Variants in ULK4 observed in about 807,000 individuals in gnomAD.
The protein encoded by ULK4 is inactive serine/threonine-protein kinase ULK4.
Under a neutral mutation model 160.6 loss-of-function variants are expected in ULK4, and 133 were observed. That is an observed-to-expected ratio of 0.83 (90% CI 0.72 to 0.96). The LOEUF is 0.96. ULK4 is among the 40% of genes least tolerant of loss of function. ULK4 has a pLI of 0.00. For synonymous variants in ULK4, 534 were observed against 539.8 expected, an observed-to-expected ratio of 0.99 and a Z score of 0.15; for missense variants, 1,580 against 1,499.5, an observed-to-expected ratio of 1.05 and a Z score of -0.89.
At chr3:41,418,764 G>A (rs981820872) in intron 34 of ULK4, among the ~76,000 whole-genome samples, 1 of 152,224 alleles carries the variant, frequency 6.6e-6, no homozygotes, top group Non-Finnish European at 1.5e-5. Flanking sequence ...TCTGCCAAAT[G>A]CACCTACTAT....
intron 30 of ULK4, among the ~76,000 whole-genome samples, chr3:41,629,206 C>G (rs962616354): frequency 2.0e-5 from 3 of 152,104 alleles, no homozygotes; most frequent in Non-Finnish European, 2.9e-5. Context: ...TGTTTCATGA[C>G]GTTTGCGGCC....
At chr3:41,566,208 G>A in intron 31 of ULK4, 78 bp from the exon 32 acceptor site, 1 of 1,240,210 alleles carries the variant, frequency 8.1e-7, no homozygotes, top group Non-Finnish European at 1.2e-6. Flanking sequence ...AGCAAATGAT[G>A]TCCACTGCTT....
rs142562010 is a variant in ULK4, at chr3:41,346,115, C to A, written c.3678+51964G>T. Among the ~76,000 whole-genome samples the A allele has an allele frequency of 5.6e-3, 851 of 152,276 alleles. 6 individuals carry two copies. The highest frequency in any genetic ancestry group is 0.02 in the African/African-American group (822 of 41,534). Reference sequence around the variant, plus strand: ...CAAGAAGGACTTCGTAAGCCACACTCAAGACTCCCGGCTTCATCTGAGGGC... The same window carrying A: ...CAAGAAGGACTTCGTAAGCCACACTAAAGACTCCCGGCTTCATCTGAGGGC... On this transcript the variant is annotated intron_variant, in intron 35 of 36. Transcript: ENST00000301831.
At chr3:41,749,700 T>C (rs776461989) in intron 22 of ULK4, among the ~76,000 whole-genome samples, 37 of 152,128 alleles carry the variant, frequency 2.4e-4, no homozygotes, top group Admixed American at 1.0e-3. Flanking sequence ...GGAAGTGAGT[T>C]TGAAGACATA....
intron 32 of ULK4, among the ~76,000 whole-genome samples, chr3:41,500,274 T>G (rs1219491054): frequency 2.2e-5 from 3 of 138,684 alleles, no homozygotes; most frequent in Non-Finnish European, 4.8e-5. Flanking sequence ...TTAATTTTCA[T>G]CTTATCTTTT....
chr3:41,615,542 G>GTGA (rs1297926545), intron 31 of ULK4, 127 bp downstream of exon 31: 2 of 828,244 alleles, frequency 2.4e-6, no homozygotes, highest in African/African-American at 3.4e-5. Context: ...GAGGTTAAGT[G>GTGA]TGATGATGAT....
chr3:41,615,717 T>A lies in ULK4; in HGVS notation c.3072A>T (p.Arg1024Ser), dbSNP rs186619720. 31 of 1,612,546 alleles carry A rather than the reference T, an allele frequency of 1.9e-5. No homozygotes were observed. The Admixed American group carries it at 3.8e-4, about 20-fold the overall frequency. ...AMTEHNPTFT[R>S]LVEESKLIPL... ...GGATCAGTTTGCTTTCTTCCACAAG[T>A]CTGTTAAAAACAAGAAAAAAAGATA... Residue 1024 changes from arginine to serine, a missense_variant and splice_region_variant, in exon 31 of 37, where the codon AGA becomes AGT. Transcript: ENST00000301831.
At chr3:41,903,588 G>GAAAAAAA (rs71075493) in intron 12 of ULK4, among the ~76,000 whole-genome samples, 2 of 138,182 alleles carry the variant, frequency 1.4e-5, no homozygotes, top group Non-Finnish European at 1.5e-5. Context: ...CTGTCTCAAA[G>GAAAAAAA]AAAAAAAAAA....
chr3:41,498,069 T>C (rs2085054549), intron 32 of ULK4, among the ~76,000 whole-genome samples: 2 of 152,068 alleles, frequency 1.3e-5, no homozygotes, highest in South Asian at 2.1e-4. Context: ...ATGATTTTTA[T>C]AGACTCCTAT....
Position 41,477,949 on chromosome 3 carries a change from G to A in ULK4, c.3227-14696C>T, listed in dbSNP as rs1250184215. On this transcript the variant is annotated intron_variant, in intron 32 of 36. Coordinates refer to ENST00000301831, the MANE Select transcript of ULK4 (RefSeq NM_017886.4). ...AGCATGGGTCTAACATGCTCACCTA[G>A]GTTGGCATAAGTGCTAATACAAGAC... 2.0e-5 allele frequency among the ~76,000 whole-genome samples: 3 copies of A among 152,206 alleles called. No homozygotes were observed. In the East Asian group the frequency reaches 5.8e-4, roughly 29 times the overall value.
At chr3:41,863,064 T>A (rs920383618) in intron 17 of ULK4, among the ~76,000 whole-genome samples, 5 of 152,100 alleles carry the variant, frequency 3.3e-5, no homozygotes, top group Admixed American at 2.0e-4. Context: ...AAGTCCCAGG[T>A]GGGTCCAGAA....
At chr3:41,530,842 C>T (rs1248937920) in intron 32 of ULK4, among the ~76,000 whole-genome samples, 1 of 152,034 alleles carries the variant, frequency 6.6e-6, no homozygotes, top group Non-Finnish European at 1.5e-5. Flanking sequence ...CGGCTCACTG[C>T]AACCTCCACC....
At chr3:41,911,979 C>T (rs1698804594) in intron 9 of ULK4, among the ~76,000 whole-genome samples, 1 of 151,890 alleles carries the variant, frequency 6.6e-6, no homozygotes, top group Admixed American at 6.6e-5. Context: ...ATAGTGAGAC[C>T]TTGTCTCTAC....
At chr3:41,740,093 C>T (rs1339264152) in intron 22 of ULK4, among the ~76,000 whole-genome samples, 2 of 151,654 alleles carry the variant, frequency 1.3e-5, no homozygotes, top group Non-Finnish European at 2.9e-5. Context: ...GCTTTCTTTG[C>T]CCATATTTAA....
At chr3:41,961,619 G>A (rs1199888912) in intron 1 of ULK4, among the ~76,000 whole-genome samples, 1 of 146,416 alleles carries the variant, frequency 6.8e-6, no homozygotes, top group Non-Finnish European at 1.5e-5. Flanking sequence ...TCGCGGCCTC[G>A]CTACGTCCGT....
chr3:41,560,077 C>T (rs1191902606), intron 32 of ULK4, among the ~76,000 whole-genome samples: 1 of 152,164 alleles, frequency 6.6e-6, no homozygotes, highest in Non-Finnish European at 1.5e-5. Flanking sequence ...TTTCAGCTTT[C>T]TACATATGGC....
At chr3:41,908,546 A>G (rs1254802791) in intron 11 of ULK4, among the ~76,000 whole-genome samples, 1 of 151,984 alleles carries the variant, frequency 6.6e-6, no homozygotes, top group Non-Finnish European at 1.5e-5. Context: ...CCTGGGTTCA[A>G]GCAATTCTCG....
intron 32 of ULK4, among the ~76,000 whole-genome samples, chr3:41,525,452 C>T (rs1264483525): frequency 2.0e-5 from 3 of 152,198 alleles, no homozygotes; most frequent in Non-Finnish European, 2.9e-5. Flanking sequence ...AATGGACTCT[C>T]GTCTTCTGGT....
At chr3:41,676,481 C>G (rs2035718776) in intron 29 of ULK4, among the ~76,000 whole-genome samples, 1 of 151,992 alleles carries the variant, frequency 6.6e-6, no homozygotes, top group African/African-American at 2.4e-5. Context: ...AACACATGCT[C>G]CCTCCAAATT....
Sources: allele counts gnomAD v4.1 joint callset (sites outside exome capture counted in the v4.1 genomes callset), GRCh38; gene constraint gnomAD v4.1.1; transcripts MANE v1.5; gene names NCBI Gene and HGNC (gene_info 2026-07-23, HGNC 2026-07-21).